ABCB11: variants seen among roughly 807,000 people sequenced by gnomAD.
ABCB11 encodes ATP binding cassette subfamily B member 11.
In ABCB11, 95 loss-of-function variants were observed where a neutral mutation model predicts 148.0. That is an observed-to-expected ratio of 0.64 (90% confidence interval 0.54 to 0.76). The LOEUF is 0.76. Ranked by LOEUF, ABCB11 falls within the 30% of genes least tolerant of loss-of-function variation. The pLI is 0.00. For missense variants in ABCB11, 1,523 were observed against 1,617.8 expected, an observed-to-expected ratio of 0.94 and a Z score of 1.01; for synonymous variants, 591 against 555.4, an observed-to-expected ratio of 1.06 and a Z score of -0.90.
At chr2:169,014,470 G>A in intron 3 of ABCB11, 116 bp from the exon 4 acceptor site, 1 of 956,886 alleles carries the variant, frequency 1.0e-6, no homozygotes, top group Non-Finnish European at 1.6e-6. Context: ...CCCACTGGCT[G>A]GAAAATTCTG....
intron 3 of ABCB11, 111 bp downstream of exon 3, chr2:169,016,666 AT>A (rs1695366526): frequency 1.4e-5 from 12 of 836,848 alleles, no homozygotes; most frequent in East Asian, 8.1e-5. Context: ...TGTATATATT[AT>A]TTTATATGAA....
intron 18 of ABCB11, among the ~76,000 whole-genome samples, chr2:168,958,476 T>C (rs1352699030): frequency 1.3e-5 from 2 of 151,750 alleles, no homozygotes; most frequent in Admixed American, 1.3e-4. Context: ...GTTGTATTTA[T>C]ACCGGTGAGG....
intron 12 of ABCB11, among the ~76,000 whole-genome samples, chr2:168,975,429 A>C (rs1231269547): frequency 4.2e-5 from 1 of 23,686 alleles, no homozygotes; most frequent in Non-Finnish European, 9.3e-5. Context: ...TTATATTTAT[A>C]GATAAATATA....
intron 18 of ABCB11, among the ~76,000 whole-genome samples, chr2:168,960,081 G>A (rs985332273): frequency 6.6e-6 from 1 of 151,636 alleles, no homozygotes; most frequent in African/African-American, 2.4e-5. Flanking sequence ...GTTCTAGAGA[G>A]TGGTTGGTAT....
intron 5 of ABCB11, among the ~76,000 whole-genome samples, chr2:169,008,676 C>T (rs745394381): frequency 5.3e-5 from 8 of 152,046 alleles, no homozygotes; most frequent in African/African-American, 1.9e-4. Context: ...AAATTAGAAC[C>T]CTCATACACT....
At chr2:168,946,784 T>C (rs1692342869) in intron 19 of ABCB11, among the ~76,000 whole-genome samples, 1 of 151,732 alleles carries the variant, frequency 6.6e-6, no homozygotes, top group Non-Finnish European at 1.5e-5. Flanking sequence ...TGGTTATTAC[T>C]AGATAAGAAA....
At chr2:168,992,554 T>A (rs1322194009) in intron 8 of ABCB11, among the ~76,000 whole-genome samples, 1 of 152,068 alleles carries the variant, frequency 6.6e-6, no homozygotes, top group Non-Finnish European at 1.5e-5. Context: ...AACATATACA[T>A]CTCTCTTTAG....
intron 7 of ABCB11, among the ~76,000 whole-genome samples, chr2:168,995,058 C>T (rs2106013116): frequency 6.6e-6 from 1 of 152,036 alleles, no homozygotes; most frequent in South Asian, 2.1e-4. Context: ...GATTTAAATC[C>T]AGTTACACCT....
At chr2:168,979,667 C>A in intron 11 of ABCB11, among the ~76,000 whole-genome samples, 199 bp downstream of exon 11, 2 of 82,510 alleles carry the variant, frequency 2.4e-5, no homozygotes, top group Non-Finnish European at 4.3e-5. Context: ...AGCGAAACTC[C>A]ATCTCAAAAA....
intron 19 of ABCB11, among the ~76,000 whole-genome samples, chr2:168,948,377 T>C (rs551002353): frequency 1.4e-3 from 215 of 151,860 alleles, no homozygotes; most frequent in Non-Finnish European, 2.1e-3. Context: ...CCTACTAGAA[T>C]GTCAGCTTTG....
Position 169,017,647 on chromosome 2 carries a change from A to G in ABCB11, c.76+403T>C, listed in dbSNP as rs562882246. Among the ~76,000 whole-genome samples the G allele has an allele frequency of 2.9e-4, 44 of 149,276 alleles. No homozygotes were observed. In the South Asian group the frequency reaches 8.7e-3, roughly 30 times the overall value. On this transcript the variant is annotated intron_variant, in intron 2 of 27. Transcript: ENST00000650372. Reference sequence around the variant, plus strand: ...CTGAGCCCAGGACATCCCAGGTGCTAGTGCTATAGGCCCCCTCCACATGAT... The same window carrying G: ...CTGAGCCCAGGACATCCCAGGTGCTGGTGCTATAGGCCCCCTCCACATGAT...
chr2:168,958,199 T>C, intron 18 of ABCB11, 71 bp from the exon 19 acceptor site: 1 of 1,458,304 alleles, frequency 6.9e-7, no homozygotes, highest in Non-Finnish European at 9.5e-7. Context: ...TCCTTTGGCA[T>C]TCACAGATTT....
At chr2:169,014,051 A>G (rs1398595399) in intron 4 of ABCB11, among the ~76,000 whole-genome samples, 1 of 152,202 alleles carries the variant, frequency 6.6e-6, no homozygotes, top group African/African-American at 2.4e-5. Context: ...CCTTACAAAT[A>G]TGATAACCAT....
intron 9 of ABCB11, among the ~76,000 whole-genome samples, chr2:168,990,124 T>C (rs1234753433): frequency 6.6e-6 from 1 of 152,156 alleles, no homozygotes; most frequent in African/African-American, 2.4e-5. Context: ...CCTTGTAAAA[T>C]GAGTGTGAAG....
At chr2:169,026,913 A>G (rs1344792253) in intron 1 of ABCB11, among the ~76,000 whole-genome samples, 1 of 152,166 alleles carries the variant, frequency 6.6e-6, no homozygotes, top group Admixed American at 6.5e-5. Context: ...TTCCTCACTG[A>G]TTACAAGTAG....
intron 3 of ABCB11, among the ~76,000 whole-genome samples, chr2:169,014,918 T>G (rs1414190443): frequency 6.6e-6 from 1 of 152,154 alleles, no homozygotes; most frequent in African/African-American, 2.4e-5. Flanking sequence ...GATCTTGACT[T>G]AACCTGAGTC....
intron 19 of ABCB11, among the ~76,000 whole-genome samples, chr2:168,956,596 G>T (rs1327155830): frequency 6.6e-6 from 1 of 151,586 alleles, no homozygotes; most frequent in Admixed American, 6.6e-5. Flanking sequence ...ACAACAGCAT[G>T]GCAGGGATCC....
At chr2:168,940,707 C>T (rs1174571666) in intron 21 of ABCB11, among the ~76,000 whole-genome samples, 1 of 152,068 alleles carries the variant, frequency 6.6e-6, no homozygotes, top group Non-Finnish European at 1.5e-5. Context: ...GAGGAAGATG[C>T]CATCTAGGAC....
At chr2:168,955,807 A>T (rs1056263493) in intron 19 of ABCB11, among the ~76,000 whole-genome samples, 1 of 151,694 alleles carries the variant, frequency 6.6e-6, no homozygotes, top group African/African-American at 2.4e-5. Context: ...AAAATCAAAA[A>T]TAAGTTTGTT....
Sources: allele counts gnomAD v4.1 joint callset (sites outside exome capture counted in the v4.1 genomes callset), GRCh38; gene constraint gnomAD v4.1.1; transcripts MANE v1.5; gene names NCBI Gene and HGNC (gene_info 2026-07-23, HGNC 2026-07-21).